The following FGF14 variants were observed in gnomAD, a reference collection of about 807,000 sequenced individuals.
The protein encoded by FGF14 is fibroblast growth factor homologous factor 4.
Under a neutral mutation model 25.5 loss-of-function variants are expected in FGF14, and 5 were observed. The ratio of observed to expected loss-of-function variants is 0.20; its 90% confidence interval spans 0.10 to 0.41. The LOEUF (loss-of-function observed/expected upper bound fraction) is 0.41. Ranked by LOEUF, FGF14 falls within the 10% of genes least tolerant of loss-of-function variation. The probability of loss-of-function intolerance (pLI) is 1.00; values close to 1 mark genes in which losing one functional copy is unlikely to be tolerated. For synonymous variants in FGF14, 138 were observed against 118.3 expected (o/e 1.17, Z -1.08); for missense variants, 222 against 320.1 (o/e 0.69, Z 2.34).
chr13:102,331,821 C>T (rs543311801), intron 1 of FGF14, among the ~76,000 whole-genome samples: 52 of 152,212 alleles, frequency 3.4e-4, no homozygotes, highest in South Asian at 3.1e-3. Context: ...AAAAGTGAGG[C>T]GATCCACTGA....
chr13:102,210,838 C>A (rs2050127126), intron 1 of FGF14, among the ~76,000 whole-genome samples: 1 of 152,146 alleles, frequency 6.6e-6, no homozygotes, highest in South Asian at 2.1e-4. Context: ...ATCCAACTCA[C>A]CAAACTCCAG....
intron 1 of FGF14, among the ~76,000 whole-genome samples, chr13:102,359,237 G>T (rs965899831): frequency 1.3e-5 from 2 of 152,064 alleles, no homozygotes; most frequent in African/African-American, 4.8e-5. Flanking sequence ...CTTAGGTGAT[G>T]GGTTGATAGA....
rs546324093 is a variant in FGF14, at chr13:101,928,732, T to C, written c.209-53436A>G. On this transcript the variant is annotated intron_variant, in intron 1 of 4. Transcript: ENST00000376131. ...GCTCTCAGCCTGATTTCTCTTCTCC[T>C]GATGTGGTGTGCCAGGACCTCTCCA... 6.6e-5 allele frequency among the ~76,000 whole-genome samples: 10 copies of C among 152,314 alleles called. No homozygotes were observed. In the South Asian group the frequency reaches 1.5e-3, roughly 22 times the overall value.
intron 1 of FGF14, among the ~76,000 whole-genome samples, chr13:101,901,130 T>C (rs1427308341): frequency 6.6e-6 from 1 of 152,142 alleles, no homozygotes; most frequent in African/African-American, 2.4e-5. Context: ...TTTATTCTGT[T>C]AGGTTGTCTC....
At chr13:102,378,329 CT>C (rs113351910) in intron 1 of FGF14, among the ~76,000 whole-genome samples, 1,668 of 152,180 alleles carry the variant, frequency 0.011, 22 homozygotes, top group African/African-American at 0.038. Flanking sequence ...CTATGTCTTC[CT>C]TTCAGTTTCA....
chr13:101,920,606 T>C (rs1280286496), upstream of FGF14, among the ~76,000 whole-genome samples: 1 of 152,242 alleles, frequency 6.6e-6, no homozygotes, highest in Non-Finnish European at 1.5e-5. Context: ...ATTTCTATCT[T>C]GTAAATTCTT....
intron 1 of FGF14, among the ~76,000 whole-genome samples, chr13:101,896,392 C>T (rs1156965996): frequency 6.6e-6 from 1 of 152,090 alleles, no homozygotes; most frequent in African/African-American, 2.4e-5. Context: ...GTACATTTCA[C>T]CTCTCACCTA....
At chr13:102,206,388 T>C (rs1363729071) in intron 1 of FGF14, among the ~76,000 whole-genome samples, 1 of 152,186 alleles carries the variant, frequency 6.6e-6, no homozygotes, top group Non-Finnish European at 1.5e-5. Context: ...CTTAAAATTA[T>C]ATTAATATCA....
rs570089227 is a variant in FGF14 at position 101,890,751 on chromosome 13, G to C, written c.194-15455C>G. Reference sequence around the variant, plus strand: ...GATGCCACACACAGCAAGATGTCCAGGCCCAGAGCCACGTGTACTTCTGCC... The same window carrying C: ...GATGCCACACACAGCAAGATGTCCACGCCCAGAGCCACGTGTACTTCTGCC... On this transcript the variant is annotated intron_variant, in intron 1 of 4. Transcript: ENST00000376143. 8.5e-4 allele frequency among the ~76,000 whole-genome samples: 130 copies of C among 152,270 alleles called. 1 individual carries two copies. The highest frequency in any genetic ancestry group is 2.9e-3 in the African/African-American group (120 of 41,550).
chr13:102,378,658 A>G (rs2058103350), intron 1 of FGF14, among the ~76,000 whole-genome samples: 1 of 148,942 alleles, frequency 6.7e-6, no homozygotes, highest in Non-Finnish European at 1.5e-5. Context: ...TTCTCTTTTA[A>G]TCACTACATA....
At chr13:102,249,468 G>A (rs565777553) in intron 1 of FGF14, among the ~76,000 whole-genome samples, 27 of 152,250 alleles carry the variant, frequency 1.8e-4, no homozygotes, top group African/African-American at 6.5e-4. Flanking sequence ...TGAGGGTCAT[G>A]GACAGAGCAG....
At chr13:101,919,734 A>C (rs1006432330), upstream of FGF14, among the ~76,000 whole-genome samples, 14 of 152,198 alleles carry the variant, frequency 9.2e-5, no homozygotes, top group African/African-American at 3.4e-4. Flanking sequence ...CCCTAAAAGC[A>C]GTTTCTCACT....
At chr13:102,194,457 T>C (rs890843225) in intron 1 of FGF14, among the ~76,000 whole-genome samples, 1 of 151,964 alleles carries the variant, frequency 6.6e-6, no homozygotes, top group Non-Finnish European at 1.5e-5. Context: ...GGCCCCATTG[T>C]GTGTTGTTCC....
intron 1 of FGF14, among the ~76,000 whole-genome samples, chr13:102,241,166 C>T (rs1475306787): frequency 6.6e-6 from 1 of 152,038 alleles, no homozygotes; most frequent in Non-Finnish European, 1.5e-5. Context: ...AAGGGGCACT[C>T]ATACAGAAAG....
At chr13:102,111,502 C>A (rs2140323186) in intron 1 of FGF14, among the ~76,000 whole-genome samples, 1 of 152,176 alleles carries the variant, frequency 6.6e-6, no homozygotes, top group Middle Eastern at 3.4e-3. Flanking sequence ...ATTGCTAGAG[C>A]ACAGGAGTTC....
chr13:102,101,976 T>C (rs553137994), intron 1 of FGF14, among the ~76,000 whole-genome samples: 42 of 152,312 alleles, frequency 2.8e-4, no homozygotes, highest in African/African-American at 1.0e-3. Context: ...GTGCTGGGAT[T>C]ACAGGCGTGA....
At chr13:102,242,788 T>C (rs532099449) in intron 1 of FGF14, among the ~76,000 whole-genome samples, 1 of 152,234 alleles carries the variant, frequency 6.6e-6, no homozygotes, top group South Asian at 2.1e-4. Flanking sequence ...TTTCACAGTA[T>C]TTTGCTTGGA....
At position 102,190,705 on chromosome 13, in the gene FGF14, G is replaced by A. The variant is rs184946567; in HGVS notation, c.208+210766C>T. On this transcript the variant is annotated intron_variant, in intron 1 of 4. Coordinates refer to the FGF14 transcript ENST00000376131. ...CAAAAATTAATTGAGTTGGGGTGTG[G>A]GGACATTGCAAGAATGCTGCAGTGA... 1.8e-3 allele frequency among the ~76,000 whole-genome samples: 274 copies of A among 152,182 alleles called. 1 individual carries two copies. Among genetic ancestry groups the A allele is most frequent in the Admixed American group, 2.9e-3 (44 of 15,264 alleles).
intron 1 of FGF14, among the ~76,000 whole-genome samples, chr13:101,915,605 T>C (rs139594818): frequency 1.8e-5 from 2 of 114,236 alleles, no homozygotes; most frequent in African/African-American, 3.5e-5. Context: ...TCTCAGACCC[T>C]GGCATTTCAA....
Sources: gnomAD v4.1 joint callset for allele counts (sites outside exome capture counted in the v4.1 genomes callset) on GRCh38, gnomAD v4.1.1 for gene constraint, MANE v1.5 for transcripts, NCBI Gene and HGNC (gene_info 2026-07-23, HGNC 2026-07-21) for gene names.